Variants in FBXO32 observed in about 807,000 individuals in gnomAD.
FBXO32 encodes F-box only protein 32.
In FBXO32, 15 loss-of-function variants were observed where a neutral mutation model predicts 48.3. The ratio of observed to expected loss-of-function variants is 0.31; its 90% CI spans 0.21 to 0.48. The LOEUF (loss-of-function observed/expected upper bound fraction) is 0.48, where lower values mean the gene tolerates loss of function less well. FBXO32 is among the 20% of genes least tolerant of loss of function. The pLI, the probability that FBXO32 is intolerant of heterozygous loss-of-function variation, is 0.99. For synonymous variants in FBXO32, 154 were observed against 165.9 expected, an observed-to-expected ratio of 0.93 and a Z score of 0.55; for missense variants, 309 against 432.7, an observed-to-expected ratio of 0.71 and a Z score of 2.54.
At chr8:123,512,214 T>G (rs879397535) in intron 6 of FBXO32, among the ~76,000 whole-genome samples, 1 of 152,212 alleles carries the variant, frequency 6.6e-6, no homozygotes, top group Non-Finnish European at 1.5e-5. Flanking sequence ...GGAAGTCACA[T>G]ACCTCTGAGC....
At chr8:123,528,235 A>G (rs956491945) in intron 4 of FBXO32, among the ~76,000 whole-genome samples, 14 of 152,180 alleles carry the variant, frequency 9.2e-5, no homozygotes, top group African/African-American at 3.4e-4. Flanking sequence ...CAGCAGGCTC[A>G]CTGCAGAGCC....
Position 123,531,479 on chromosome 8 carries a change from A to G in FBXO32, c.372+419T>C, listed in dbSNP as rs530382371. 4.1e-3 allele frequency among the ~76,000 whole-genome samples: 619 copies of G among 152,346 alleles called. 6 individuals are homozygous for G. The highest frequency in any genetic ancestry group is 0.014 in the African/African-American group (587 of 41,594). On this transcript the variant is annotated intron_variant, in intron 4 of 8. Transcript: ENST00000517956. The stretch of plus-strand genomic sequence containing the variant: ...GGAGACAGTGAGAACAGTCAGAGAT[A>G]CAGGGTTTTGAAACAGTCCAAAGTG...
chr8:123,523,594 A>AAAAC (rs200155494), intron 4 of FBXO32, among the ~76,000 whole-genome samples: 8 of 138,184 alleles, frequency 5.8e-5, no homozygotes, highest in South Asian at 2.2e-4. Flanking sequence ...GTCTCAAAAC[A>AAAAC]AAACAAACAA....
intron 6 of FBXO32, among the ~76,000 whole-genome samples, chr8:123,511,930 A>C (rs1225540613): frequency 2.6e-5 from 4 of 152,204 alleles, no homozygotes; most frequent in African/African-American, 9.6e-5. Context: ...AATGCCAGAA[A>C]CCAGGTAGAA....
At chr8:123,528,845 G>GT (rs1468232569) in intron 4 of FBXO32, among the ~76,000 whole-genome samples, 1 of 151,716 alleles carries the variant, frequency 6.6e-6, no homozygotes, top group East Asian at 1.9e-4. Flanking sequence ...TTTTGTTTTT[G>GT]TTTTTTTCCC....
chr8:123,522,537 T>C (rs1368861660), intron 4 of FBXO32, among the ~76,000 whole-genome samples: 3 of 152,024 alleles, frequency 2.0e-5, no homozygotes. Context: ...ACAATGGCAG[T>C]TTATTCCCCA....
rs1313924757 is a variant in FBXO32 at position 123,534,024 on chromosome 8, C to T, written c.229+678G>A. Reference sequence around the variant, plus strand: ...ACGAGAATCACTTAAACCCAAGAGGCGGAGGTTGCAGTGAGCTAAGATCAT... The same window carrying T: ...ACGAGAATCACTTAAACCCAAGAGGTGGAGGTTGCAGTGAGCTAAGATCAT... On this transcript the variant is annotated intron_variant, in intron 2 of 8. Coordinates refer to ENST00000517956, the MANE Select transcript of FBXO32 (RefSeq NM_058229.4). 6.7e-5 allele frequency among the ~76,000 whole-genome samples: 10 copies of T among 150,314 alleles called. No individual in the cohort carries two copies. The East Asian group carries it at 1.8e-3, about 27-fold the overall frequency.
chr8:123,508,528 G>A (rs2130507165), intron 6 of FBXO32, among the ~76,000 whole-genome samples: 2 of 152,318 alleles, frequency 1.3e-5, no homozygotes, highest in South Asian at 4.1e-4. Context: ...AATCTCAGAT[G>A]TAGAAGGACT....
intron 7 of FBXO32, among the ~76,000 whole-genome samples, chr8:123,505,197 A>G (rs1816589698): frequency 6.6e-6 from 1 of 152,196 alleles, no homozygotes; most frequent in Non-Finnish European, 1.5e-5. Context: ...ACACATCCAT[A>G]TAAAGAAACT....
intron 4 of FBXO32, among the ~76,000 whole-genome samples, chr8:123,522,390 A>G (rs1174170884): frequency 6.6e-6 from 1 of 151,710 alleles, no homozygotes; most frequent in Non-Finnish European, 1.5e-5. Flanking sequence ...TGTATTTTTA[A>G]GAGAGACGGT....
chr8:123,539,180 C>T (rs1462349385), intron 1 of FBXO32, among the ~76,000 whole-genome samples: 2 of 152,148 alleles, frequency 1.3e-5, no homozygotes, highest in Admixed American at 1.3e-4. Context: ...TTCTGCTGAA[C>T]TCAATCATCT....
Position 123,537,702 on chromosome 8 carries a change from A to G in FBXO32, c.117-2888T>C, listed in dbSNP as rs117923353. Reference sequence around the variant, plus strand: ...CCCGGAATGCTCTGGTGAAACAAACAGCCTAGTGTATAACGCTCATAGAAC... The same window carrying G: ...CCCGGAATGCTCTGGTGAAACAAACGGCCTAGTGTATAACGCTCATAGAAC... On this transcript the variant is annotated intron_variant, in intron 1 of 8. Coordinates refer to ENST00000517956, the MANE Select transcript of FBXO32 (RefSeq NM_058229.4). Among the ~76,000 whole-genome samples, 118 of 152,340 alleles carry G rather than the reference A, an allele frequency of 7.7e-4. 4 individuals are homozygous for G. In the East Asian group the frequency reaches 0.022, roughly 28 times the overall value.
chr8:123,533,196 T>C lies in FBXO32; in HGVS notation c.274A>G (p.Lys92Glu). 1 of 1,612,156 alleles carries C rather than the reference T, an allele frequency of 6.2e-7. No individual in the cohort carries two copies. The highest frequency in any genetic ancestry group is 8.5e-7 in the Non-Finnish European group (1 of 1,178,246). Residue 92 changes from lysine (K) to glutamate (E), a missense_variant, in exon 3 of 9, where the codon AAA becomes GAA. Physicochemically the swap from Lys to Glu is moderately conservative, Grantham distance 56. Transcript: ENST00000517956. ...TAAATGAATGGGATGCTCACCTCTTTAGTACTTCCTTTGTGAACATAGATC... is the reference window on the plus strand; with the variant it reads ...TAAATGAATGGGATGCTCACCTCTTCAGTACTTCCTTTGTGAACATAGATC... ...KWIYVHKGST[K>E]ERHGYCTLGE...
intron 1 of FBXO32, among the ~76,000 whole-genome samples, chr8:123,537,422 A>T (rs367656083): frequency 6.6e-5 from 10 of 152,310 alleles, no homozygotes; most frequent in Admixed American, 2.0e-4. Context: ...AGATACTTTA[A>T]GGCAACTTTT....
chr8:123,514,396 C>A, intron 4 of FBXO32, 63 bp from the exon 5 acceptor site: 1 of 1,320,318 alleles, frequency 7.6e-7, no homozygotes, highest in Admixed American at 2.1e-5. Context: ...CTCTAATCTT[C>A]ACTTTTGAGT....
At chr8:123,527,888 G>A (rs1817119293) in intron 4 of FBXO32, among the ~76,000 whole-genome samples, 1 of 152,200 alleles carries the variant, frequency 6.6e-6, no homozygotes, top group Non-Finnish European at 1.5e-5. Context: ...CTTTGAGCTG[G>A]AATATAGGAG....
chr8:123,531,229 G>A (rs903058420), intron 4 of FBXO32, among the ~76,000 whole-genome samples: 3 of 152,112 alleles, frequency 2.0e-5, no homozygotes, highest in South Asian at 4.1e-4. Flanking sequence ...TGATCCGCCC[G>A]CTTTGGCCTC....
In FBXO32 at chr8:123,541,071, G is replaced by A; in HGVS notation, c.-57C>T. 1 of 1,230,602 alleles carries A rather than the reference G, an allele frequency of 8.1e-7. No homozygotes were observed. Among genetic ancestry groups the A allele is most frequent in the Non-Finnish European group, 1.1e-6 (1 of 899,892 alleles). 76.2% of individuals were successfully genotyped at this position (1,230,602 alleles called of 1,614,324 possible). On this transcript the variant is annotated 5_prime_UTR_variant, in exon 1 of 9. Coordinates refer to ENST00000517956, the MANE Select transcript of FBXO32 (RefSeq NM_058229.4). The stretch of plus-strand genomic sequence containing the variant: ...ACGGGGCCGGCCTGGTGGGCTCGGG[G>A]ACGTGCCACCCGGGGCGGATGCTCG...
chr8:123,506,806 A>G lies in FBXO32; in HGVS notation c.652-232T>C, dbSNP rs1816634405. Among the ~76,000 whole-genome samples, 1 of 152,214 alleles carries G rather than the reference A, an allele frequency of 6.6e-6. No individual in the cohort carries two copies. The highest frequency in any genetic ancestry group is 1.5e-5 in the Non-Finnish European group (1 of 68,032). The stretch of plus-strand genomic sequence containing the variant: ...TGAGTGGTGCCAGAGGGATCGCCCT[A>G]CATTTCCAAAGCTTGAAACTTTCAC... On this transcript the variant is annotated intron_variant, in intron 6 of 8. Coordinates refer to ENST00000517956, the MANE Select transcript of FBXO32 (RefSeq NM_058229.4). The surrounding 1 kb of genome is among the most constrained non-coding windows in gnomAD (Gnocchi z 4.0).
Sources: allele counts gnomAD v4.1 joint callset (sites outside exome capture counted in the v4.1 genomes callset), GRCh38; gene constraint gnomAD v4.1.1; non-coding constraint Gnocchi (gnomAD v3.1); transcripts MANE v1.5; gene names NCBI Gene and HGNC (gene_info 2026-07-23, HGNC 2026-07-21).